RBM25: variants seen among roughly 807,000 people sequenced by gnomAD.
RBM25 encodes RNA-binding protein 25.
In RBM25, 19 loss-of-function variants were observed where a neutral mutation model predicts 120.7. The observed-to-expected ratio is 0.16, with a 90% CI of 0.11 to 0.23. The LOEUF (loss-of-function observed/expected upper bound fraction) is 0.23, where lower values mean the gene tolerates loss of function less well. Among genes scored for constraint, RBM25 ranks in the 10% least tolerant of loss-of-function variants. RBM25 has a pLI of 1.00. For synonymous variants in RBM25, 390 were observed against 326.7 expected (o/e 1.19, Z -2.09); for missense variants, 605 against 1,041.5 (o/e 0.58, Z 5.77).
chr14:73,103,707 C>T (rs1425890925), intron 10 of RBM25, among the ~76,000 whole-genome samples: 6 of 151,982 alleles, frequency 3.9e-5, no homozygotes, highest in Non-Finnish European at 7.4e-5. Flanking sequence ...TTCATACCAC[C>T]ATGCCCAGCT....
intron 6 of RBM25, 39 bp from the exon 7 acceptor site, chr14:73,096,876 T>C: frequency 6.4e-7 from 1 of 1,573,814 alleles, no homozygotes; most frequent in Non-Finnish European, 8.7e-7. Flanking sequence ...ATTTTCTTGC[T>C]TGATTTTTCT....
At chr14:73,068,089 C>T (rs893270559) in intron 1 of RBM25, 26 of 622,718 alleles carry the variant, frequency 4.2e-5, no homozygotes, top group Admixed American at 4.1e-4. Context: ...ACATGAGCTA[C>T]GACCACCCCA....
intron 6 of RBM25, among the ~76,000 whole-genome samples, chr14:73,090,331 G>A (rs1310367703): frequency 6.6e-6 from 1 of 152,062 alleles, no homozygotes; most frequent in Non-Finnish European, 1.5e-5. Flanking sequence ...GATTACAGGC[G>A]TGAGCCACCG....
intron 1 of RBM25, among the ~76,000 whole-genome samples, chr14:73,069,293 AATT>A (rs1895218484): frequency 6.6e-6 from 1 of 152,242 alleles, no homozygotes; most frequent in Non-Finnish European, 1.5e-5. Flanking sequence ...GAAAAATAAA[AATT>A]ATTAGTTCAT....
chr14:73,103,905 G>GTCTGTC (rs1896107421), intron 10 of RBM25, among the ~76,000 whole-genome samples: 3 of 91,748 alleles, frequency 3.3e-5, no homozygotes, highest in East Asian at 6.4e-4. Context: ...CTGTCTGTCT[G>GTCTGTC]TCTCTCTCTC....
chr14:73,067,260 G>C (rs1895161192), intron 1 of RBM25, among the ~76,000 whole-genome samples: 1 of 151,698 alleles, frequency 6.6e-6, no homozygotes, highest in Non-Finnish European at 1.5e-5. Flanking sequence ...GTTCTAACCT[G>C]TATTAGAGAA....
chr14:73,103,942 TCTCTCTCA>T (rs1566597426), intron 10 of RBM25, among the ~76,000 whole-genome samples: 460 of 42,954 alleles, frequency 0.011, no homozygotes, highest in Non-Finnish European at 0.016. Flanking sequence ...TCTCTCTCTC[TCTCTCTCA>T]CACACACACA....
At position 73,088,071 on chromosome 14, in the gene RBM25, A is replaced by G. The variant is rs1056612964; in HGVS notation, c.453A>G (p.Gln151=). 1 of 1,614,168 alleles carries G rather than the reference A, an allele frequency of 6.2e-7. No homozygotes were observed. Among genetic ancestry groups the G allele is most frequent in the Non-Finnish European group, 8.5e-7 (1 of 1,180,034 alleles). The change falls in exon 6 of 19, where the codon CAA becomes CAG. Residue 151 remains glutamine, a synonymous_variant. Coordinates refer to ENST00000261973, the MANE Select transcript of RBM25 (RefSeq NM_021239.3). ...CACTCAGATTATTACATGACCTGCA[A>G]ATTGGAGAGAAAAAGCTACTCGTTA... ...LRALRLLHDL[Q]IGEKKLLVKV... is the part of the protein sequence containing the mutation.
At chr14:73,074,437 T>C (rs1351176160) in intron 2 of RBM25, among the ~76,000 whole-genome samples, 1 of 151,958 alleles carries the variant, frequency 6.6e-6, no homozygotes, top group East Asian at 1.9e-4. Context: ...AGCCCGAGTG[T>C]TCTAGAAGTT....
chr14:73,102,443 TC>T (rs763717006), intron 9 of RBM25: 1 of 152,280 alleles, frequency 6.6e-6, no homozygotes, highest in Non-Finnish European at 1.5e-5. Context: ...GCACAATCGT[TC>T]CTTCCAAGGA....
chr14:73,059,253 C>G (rs527953288), intron 1 of RBM25: 4 of 152,300 alleles, frequency 2.6e-5, no homozygotes, highest in Admixed American at 2.6e-4. Flanking sequence ...GCCCCACCCC[C>G]TTGGAATTGA....
intron 6 of RBM25, among the ~76,000 whole-genome samples, chr14:73,092,465 A>G (rs966011301): frequency 6.6e-6 from 1 of 152,170 alleles, no homozygotes; most frequent in Admixed American, 6.5e-5. Context: ...CCTCTGAGGC[A>G]GAAGAGAAAA....
chr14:73,099,509 T>G, intron 8 of RBM25, 76 bp downstream of exon 8: 1 of 1,585,720 alleles, frequency 6.3e-7, no homozygotes, highest in Non-Finnish European at 8.6e-7. Context: ...GTCTATCTGA[T>G]TTTTCACTAT....
rs551589563 is a variant in RBM25 at position 73,099,105 on chromosome 14, T to C, written c.730-275T>C. On this transcript the variant is annotated intron_variant, in intron 7 of 18. Coordinates refer to ENST00000261973, the MANE Select transcript of RBM25 (RefSeq NM_021239.3). The stretch of plus-strand genomic sequence containing the variant: ...CTGTGGCAGGAGTTATGGGTAAATA[T>C]TGTTGGTATGATTAGAAAGCCCTGC... 1.7e-3 allele frequency among the ~76,000 whole-genome samples: 259 copies of C among 152,214 alleles called. 2 individuals are homozygous for C. Among genetic ancestry groups the C allele is most frequent in the African/African-American group, 5.7e-3 (238 of 41,544 alleles).
chr14:73,115,691 G>A (rs1282675599), intron 18 of RBM25, among the ~76,000 whole-genome samples: 1 of 152,214 alleles, frequency 6.6e-6, no homozygotes, highest in African/African-American at 2.4e-5. Context: ...GATGGTAAAG[G>A]TTGAGCAAGA....
chr14:73,112,393 G>C, intron 17 of RBM25, 143 bp downstream of exon 17: 1 of 761,828 alleles, frequency 1.3e-6, no homozygotes. Flanking sequence ...CTTTTTTAAA[G>C]TTATTTTTAT....
At chr14:73,106,667 T>C (rs1896195469) in intron 12 of RBM25, among the ~76,000 whole-genome samples, 1 of 152,150 alleles carries the variant, frequency 6.6e-6, no homozygotes, top group Non-Finnish European at 1.5e-5. Flanking sequence ...TCATGGATTG[T>C]TTACTATTGG....
chr14:73,080,726 C>G (rs563492374), intron 4 of RBM25, among the ~76,000 whole-genome samples: 4 of 151,952 alleles, frequency 2.6e-5, no homozygotes, highest in African/African-American at 9.7e-5. Flanking sequence ...TACAAGATGG[C>G]GAACTTGATA....
At chr14:73,111,443 T>C (rs1156759852) in intron 15 of RBM25, 85 bp from the exon 16 acceptor site, 1 of 1,368,656 alleles carries the variant, frequency 7.3e-7, no homozygotes, top group African/African-American at 1.5e-5. Flanking sequence ...GAAGTATATT[T>C]TGCATTGCTT....
Sources: allele counts gnomAD v4.1 joint callset (sites outside exome capture counted in the v4.1 genomes callset), GRCh38; gene constraint gnomAD v4.1.1; transcripts MANE v1.5; gene names NCBI Gene and HGNC (gene_info 2026-07-23, HGNC 2026-07-21).